The following IQGAP2 variants were observed in gnomAD, a reference collection of about 807,000 sequenced individuals.
IQGAP2 encodes the protein IQ motif containing GTPase activating protein 2.
Under a neutral mutation model 201.3 loss-of-function variants are expected in IQGAP2, and 173 were observed. That is an observed-to-expected ratio of 0.86 (90% CI 0.76 to 0.98). The LOEUF is 0.98. IQGAP2 is among the 50% of genes least tolerant of loss of function. The pLI is 0.00. For synonymous variants in IQGAP2, 675 were observed against 673.9 expected, an observed-to-expected ratio of 1.00 and a Z score of -0.03; for missense variants, 1,687 against 1,864.8, an observed-to-expected ratio of 0.90 and a Z score of 1.76.
At chr5:76,424,620 C>T (rs1461181015) in intron 1 of IQGAP2, among the ~76,000 whole-genome samples, 1 of 152,176 alleles carries the variant, frequency 6.6e-6, no homozygotes. Context: ...TTTTGTAAAC[C>T]TCCTCAAATA....
In IQGAP2 at chr5:76,674,047, A is replaced by G. The variant is rs1045215276; in HGVS notation, c.3294+11A>G. 9 of 1,505,286 alleles carry G rather than the reference A, an allele frequency of 6.0e-6. No individual in the cohort carries two copies. Among genetic ancestry groups the G allele is most frequent in the Non-Finnish European group, 8.3e-6 (9 of 1,081,042 alleles). 93.2% of individuals were successfully genotyped at this position (1,505,286 alleles called of 1,614,324 possible). A position where few individuals can be genotyped will look rare whatever the true frequency, so the allele number is the denominator to read the frequency against. ...GATGAGCTATTAAAGGTAGATTTTC[A>G]AGGGTAATCTCACCATAGCTTCTCC... is the stretch of plus-strand genomic sequence containing the variant. On this transcript the variant is annotated intron_variant, in intron 26 of 35. Transcript: ENST00000274364.
chr5:76,571,935 A>T (rs1005457995), intron 4 of IQGAP2, among the ~76,000 whole-genome samples: 1 of 152,122 alleles, frequency 6.6e-6, no homozygotes, highest in Non-Finnish European at 1.5e-5. Context: ...GATTCTGTGC[A>T]GTTTTATCCC....
chr5:76,611,594 T>C (rs1748419000), intron 13 of IQGAP2, among the ~76,000 whole-genome samples: 1 of 152,190 alleles, frequency 6.6e-6, no homozygotes, highest in Admixed American at 6.5e-5. Context: ...GCAGTGGACA[T>C]TGTCACATGG....
At position 76,597,477 on chromosome 5, in the gene IQGAP2, G is replaced by A; in HGVS notation, c.946G>A (p.Glu316Lys). The change falls in exon 10 of 36, where the codon GAA (glutamate) becomes AAA (lysine). Residue 316 changes from glutamate to lysine, a missense_variant. By Grantham distance (56) the Glu-to-Lys change is moderately conservative. Coordinates refer to ENST00000274364, the MANE Select transcript of IQGAP2 (RefSeq NM_006633.5). ...GGACCATATCAATGCTGTCATTCCG[G>A]AAGGTGACCCCGAGAATACGCTGCT... The part of the protein sequence containing the change: ...AVDHINAVIP[E>K]GDPENTLLAL... The A allele has an allele frequency of 6.2e-7, 1 of 1,614,010 alleles. No individual in the cohort carries two copies. The highest frequency in any genetic ancestry group is 8.5e-7 in the Non-Finnish European group (1 of 1,179,978).
chr5:76,540,476 G>A (rs1379145391), intron 2 of IQGAP2, among the ~76,000 whole-genome samples: 4 of 152,162 alleles, frequency 2.6e-5, no homozygotes, highest in Admixed American at 1.3e-4. Flanking sequence ...ACCACAGTAA[G>A]TGGCAGTGGT....
At chr5:76,430,746 T>A (rs950778019) in intron 1 of IQGAP2, among the ~76,000 whole-genome samples, 1 of 152,176 alleles carries the variant, frequency 6.6e-6, no homozygotes, top group Admixed American at 6.5e-5. Context: ...CAATGAAAGA[T>A]TAGCTTGAGT....
At chr5:76,660,815 T>C (rs1040457243) in intron 21 of IQGAP2, among the ~76,000 whole-genome samples, 1 of 152,196 alleles carries the variant, frequency 6.6e-6, no homozygotes, top group Non-Finnish European at 1.5e-5. Context: ...AACAGAGCAA[T>C]TGAAGCTTTA....
intron 3 of IQGAP2, among the ~76,000 whole-genome samples, chr5:76,570,127 C>T (rs756254608): frequency 1.4e-4 from 21 of 152,050 alleles, no homozygotes; most frequent in Non-Finnish European, 2.8e-4. Context: ...TCCAGGTTTT[C>T]TGCAGAAATA....
intron 15 of IQGAP2, 105 bp from the exon 16 acceptor site, chr5:76,636,929 G>A (rs1751176510): frequency 3.2e-6 from 3 of 949,180 alleles, no homozygotes; most frequent in South Asian, 4.3e-5. Context: ...GCTGTCTGAA[G>A]GTTTGGTGAA....
At position 76,618,192 on chromosome 5, in the gene IQGAP2, A is replaced by G. The variant is rs140119980; in HGVS notation, c.1521+7009A>G. ...GGAGCAGTACATGTTGCCATAGAAG[A>G]TGACTGTGGTGGCCCGGCACAGGAC... On this transcript the variant is annotated intron_variant, in intron 13 of 35. Coordinates refer to ENST00000274364, the MANE Select transcript of IQGAP2 (RefSeq NM_006633.5). The G allele has an allele frequency of 1.5e-5, 25 of 1,614,182 alleles. No individual in the cohort carries two copies. In the African/African-American group the frequency reaches 3.3e-4, roughly 22 times the overall value.
chr5:76,528,601 G>A (rs951720409), intron 2 of IQGAP2, among the ~76,000 whole-genome samples: 1 of 152,152 alleles, frequency 6.6e-6, no homozygotes, highest in Admixed American at 6.5e-5. Flanking sequence ...GCTCAAGGGA[G>A]TGAATGCCAA....
chr5:76,437,643 T>C (rs1752781370), intron 1 of IQGAP2, among the ~76,000 whole-genome samples: 1 of 152,200 alleles, frequency 6.6e-6, no homozygotes. Flanking sequence ...TTTTTGTTCC[T>C]GTGTTAGTTT....
At chr5:76,643,386 C>T (rs2937413) in intron 17 of IQGAP2, among the ~76,000 whole-genome samples, 94,419 of 151,986 alleles carry the variant, frequency 0.62, 29,458 homozygotes, top group South Asian at 0.78. Flanking sequence ...GAATAGATGA[C>T]TAAAAACACA....
Position 76,707,483 on chromosome 5 carries a change from A to G in IQGAP2, c.*170A>G. ...ACCCAGGTGCCTTTTTGCTAATTTG[A>G]TACTATAATAGAATGAGACATAAAA... On this transcript the variant is annotated 3_prime_UTR_variant, in exon 36 of 36. Transcript: ENST00000274364. The G allele has an allele frequency of 3.4e-6, 2 of 592,238 alleles. No individual in the cohort carries two copies. The highest frequency in any genetic ancestry group is 3.1e-5 in the Admixed American group (1 of 32,394). The allele number at this position is 592,238 out of a possible 1,614,324, so 36.7% of individuals were successfully genotyped here.
rs566151741 is a variant in IQGAP2, at chr5:76,514,332, AC to A, written c.147-48060del. The stretch of plus-strand genomic sequence containing the variant: ...ATTCCCTTCATTTTTAAAATTACTG[AC>A]CCCAGGCCACAAGACATCAATCATG... On this transcript the variant is annotated intron_variant, in intron 2 of 35. Coordinates refer to ENST00000274364, the MANE Select transcript of IQGAP2 (RefSeq NM_006633.5). Among the ~76,000 whole-genome samples, 521 of 152,008 alleles carry A rather than the reference AC, an allele frequency of 3.4e-3. 1 individual carries two copies. Among genetic ancestry groups the A allele is most frequent in the Admixed American group, 7.7e-3 (118 of 15,256 alleles).
chr5:76,521,889 G>T (rs1032018942), intron 2 of IQGAP2, among the ~76,000 whole-genome samples: 1 of 152,026 alleles, frequency 6.6e-6, no homozygotes, highest in Non-Finnish European at 1.5e-5. Context: ...CTAGTTTGGG[G>T]CCTGCTTGGA....
chr5:76,546,516 G>A (rs1321330395), intron 2 of IQGAP2, among the ~76,000 whole-genome samples: 1 of 152,140 alleles, frequency 6.6e-6, no homozygotes. Flanking sequence ...TATACCAGGC[G>A]TCATGGTGGT....
intron 13 of IQGAP2, among the ~76,000 whole-genome samples, chr5:76,623,782 A>G (rs960937422): frequency 2.6e-5 from 4 of 152,246 alleles, no homozygotes; most frequent in African/African-American, 9.6e-5. Flanking sequence ...CATGGAAAAC[A>G]AACTTTTAAG....
chr5:76,559,227 G>A (rs1227561372), intron 2 of IQGAP2, among the ~76,000 whole-genome samples: 1 of 152,064 alleles, frequency 6.6e-6, no homozygotes, highest in African/African-American at 2.4e-5. Context: ...CCTTTTCTGA[G>A]CTGTCACCAA....
Sources: gnomAD v4.1 joint callset for allele counts (sites outside exome capture counted in the v4.1 genomes callset) on GRCh38, gnomAD v4.1.1 for gene constraint, MANE v1.5 for transcripts, NCBI Gene and HGNC (gene_info 2026-07-23, HGNC 2026-07-21) for gene names.